ATXN7L1: variants seen among roughly 807,000 people sequenced by gnomAD.
ATXN7L1 encodes ataxin-7-like protein 1.
A neutral mutation model predicts 70.8 loss-of-function variants in ATXN7L1; 15 were observed. The observed-to-expected ratio is 0.21, with a 90% confidence interval of 0.14 to 0.33. The LOEUF is 0.33. ATXN7L1 is among the 10% of genes least tolerant of loss of function. The pLI, the probability that ATXN7L1 is intolerant of heterozygous loss-of-function variation, is 1.00. For synonymous variants in ATXN7L1, 440 were observed against 445.1 expected (o/e 0.99, Z 0.14); for missense variants, 975 against 1,097.1 (o/e 0.89, Z 1.57).
intron 2 of ATXN7L1, among the ~76,000 whole-genome samples, chr7:105,828,689 T>G (rs999991671): frequency 1.3e-5 from 2 of 152,186 alleles, no homozygotes; most frequent in African/African-American, 4.8e-5. Context: ...ACCATTATTA[T>G]TCTCATTTTA....
intron 10 of ATXN7L1, 75 bp downstream of exon 10, chr7:105,613,772 ACCTGTCGGAGCCGCC>A (rs1299438480): frequency 6.5e-7 from 1 of 1,544,220 alleles, no homozygotes; most frequent in African/African-American, 1.4e-5. Flanking sequence ...AGCTTGTGTT[ACCTGTCGGAGCCGCC>A]CGGCTAAGCA....
rs148277295 is a variant in ATXN7L1 at position 105,698,581 on chromosome 7, C to T, written c.356-33293G>A. Among the ~76,000 whole-genome samples the T allele has an allele frequency of 1.1e-3, 168 of 152,268 alleles. 3 individuals carry two copies. The highest frequency in any genetic ancestry group is 1.9e-3 in the Non-Finnish European group (131 of 68,012). Reference sequence around the variant, plus strand: ...GTTTTGCCATGCCGCTCATGCTCGTCTCCTGGGGTCAAGTGACCTGCCTGC... The same window carrying T: ...GTTTTGCCATGCCGCTCATGCTCGTTTCCTGGGGTCAAGTGACCTGCCTGC... On this transcript the variant is annotated intron_variant, in intron 3 of 11. Transcript: ENST00000419735.
intron 2 of ATXN7L1, among the ~76,000 whole-genome samples, chr7:105,849,621 T>G (rs1814586325): frequency 6.6e-6 from 1 of 152,208 alleles, no homozygotes; most frequent in Non-Finnish European, 1.5e-5. Context: ...CCTCTTCTCC[T>G]CCTGAAAGTG....
intron 4 of ATXN7L1, among the ~76,000 whole-genome samples, chr7:105,658,932 T>C (rs1024337000): frequency 2.0e-5 from 3 of 151,484 alleles, no homozygotes; most frequent in Admixed American, 6.6e-5. Flanking sequence ...TCATGAGGAG[T>C]TCAAGACCAG....
At chr7:105,697,722 T>C (rs899468807) in intron 3 of ATXN7L1, among the ~76,000 whole-genome samples, 4 of 152,144 alleles carry the variant, frequency 2.6e-5, no homozygotes, top group Admixed American at 2.0e-4. Flanking sequence ...ACAACTTACG[T>C]TTAGAGATTG....
At chr7:105,831,296 T>C (rs1811562987) in intron 2 of ATXN7L1, among the ~76,000 whole-genome samples, 1 of 152,216 alleles carries the variant, frequency 6.6e-6, no homozygotes, top group South Asian at 2.1e-4. Context: ...CGAGAAAGGC[T>C]GAAAGCACAT....
intron 2 of ATXN7L1, among the ~76,000 whole-genome samples, chr7:105,869,931 T>G (rs1244334983): frequency 6.6e-6 from 1 of 152,234 alleles, no homozygotes; most frequent in Non-Finnish European, 1.5e-5. Flanking sequence ...GCCTAAGTAT[T>G]ATTCGACAGC....
At chr7:105,867,182 A>C (rs912914538) in intron 2 of ATXN7L1, among the ~76,000 whole-genome samples, 1 of 152,190 alleles carries the variant, frequency 6.6e-6, no homozygotes, top group Non-Finnish European at 1.5e-5. Context: ...GGCCTCAGGA[A>C]TCAGACCCTC....
In ATXN7L1 at chr7:105,655,808, C is replaced by T. The variant is rs140606073; in HGVS notation, c.578+9258G>A. ...CAGCCCCAGTTGCTCCGGGAAGACC[C>T]GCCTGGTAATTCCAAGCATTTGGAG... On this transcript the variant is annotated intron_variant, in intron 4 of 11. Transcript: ENST00000419735. 3.2e-4 allele frequency among the ~76,000 whole-genome samples: 48 copies of T among 152,282 alleles called. 1 individual carries two copies. In the East Asian group the frequency reaches 5.2e-3, roughly 17 times the overall value.
intron 2 of ATXN7L1, among the ~76,000 whole-genome samples, chr7:105,812,913 G>A (rs1485420601): frequency 3.3e-5 from 5 of 152,078 alleles, no homozygotes; most frequent in Non-Finnish European, 5.9e-5. Flanking sequence ...GAGGTGGGAG[G>A]AATATCTAAG....
chr7:105,803,463 T>C (rs893438423), intron 2 of ATXN7L1, among the ~76,000 whole-genome samples: 2 of 152,216 alleles, frequency 1.3e-5, no homozygotes, highest in Non-Finnish European at 2.9e-5. Flanking sequence ...GTGGCAGGAC[T>C]TGAGCAGTAT....
At chr7:105,864,840 T>C (rs757594064) in intron 2 of ATXN7L1, among the ~76,000 whole-genome samples, 21 of 152,088 alleles carry the variant, frequency 1.4e-4, no homozygotes, top group Non-Finnish European at 2.6e-4. Flanking sequence ...TTTCACCACA[T>C]TGGCCAGGCT....
intron 11 of ATXN7L1, 64 bp from the exon 12 acceptor site, chr7:105,607,954 CA>C: frequency 7.1e-7 from 1 of 1,417,632 alleles, no homozygotes; most frequent in Non-Finnish European, 9.7e-7. Context: ...CATGAGAATT[CA>C]AGGATGGAGA....
chr7:105,795,212 C>T (rs1168418601), intron 2 of ATXN7L1, among the ~76,000 whole-genome samples: 1 of 152,230 alleles, frequency 6.6e-6, no homozygotes, highest in East Asian at 1.9e-4. Flanking sequence ...AAAGTACTAA[C>T]TGACTTCCCA....
intron 3 of ATXN7L1, among the ~76,000 whole-genome samples, chr7:105,690,151 T>C (rs1307570162): frequency 6.6e-6 from 1 of 152,120 alleles, no homozygotes; most frequent in Non-Finnish European, 1.5e-5. Flanking sequence ...ATTACAGGCA[T>C]GTGCCACCAT....
At position 105,692,400 on chromosome 7, in the gene ATXN7L1, T is replaced by TC. The variant is rs1791027714; in HGVS notation, c.356-27113dup. On this transcript the variant is annotated intron_variant, in intron 3 of 11. Transcript: ENST00000419735. Reference sequence around the variant, plus strand: ...TTCCTTCCTTCCTTCCTTCCTTCCTTCCTTCCTTCCTTCCTTCCTTCCTTC... The same window carrying TC: ...TTCCTTCCTTCCTTCCTTCCTTCCTTCCCTTCCTTCCTTCCTTCCTTCCTTC... 4.9e-5 allele frequency among the ~76,000 whole-genome samples: 6 copies of TC among 122,320 alleles called. No homozygotes were observed. In the East Asian group the frequency reaches 9.8e-4, roughly 20 times the overall value. 80.2% of individuals were successfully genotyped at this position (122,320 alleles called of 152,430 possible). A position where few individuals can be genotyped will look rare whatever the true frequency, so the allele number is the denominator to read the frequency against.
At chr7:105,628,211 A>G (rs181496871) in intron 7 of ATXN7L1, among the ~76,000 whole-genome samples, 86 of 152,318 alleles carry the variant, frequency 5.6e-4, no homozygotes, top group Non-Finnish European at 1.0e-3. Context: ...TGCAATTTAC[A>G]TCAAAACATA....
intron 7 of ATXN7L1, among the ~76,000 whole-genome samples, chr7:105,636,407 A>AAT (rs1554400732): frequency 1.3e-5 from 2 of 151,810 alleles, no homozygotes; most frequent in Non-Finnish European, 2.9e-5. Context: ...AAAAAAAAAA[A>AAT]AAAAAGATTC....
intron 2 of ATXN7L1, among the ~76,000 whole-genome samples, chr7:105,795,637 GGA>G (rs1398406660): frequency 3.3e-5 from 5 of 152,130 alleles, no homozygotes; most frequent in African/African-American, 1.2e-4. Context: ...TTTGCAAGCA[GGA>G]ATTCCAGGTG....
Sources: gnomAD v4.1 joint callset for allele counts (sites outside exome capture counted in the v4.1 genomes callset) on GRCh38, gnomAD v4.1.1 for gene constraint, MANE v1.5 for transcripts, NCBI Gene and HGNC (gene_info 2026-07-23, HGNC 2026-07-21) for gene names.